The following ADAMTS20 variants were observed in gnomAD, a reference collection of about 807,000 sequenced individuals.
The protein encoded by ADAMTS20 is ADAM metallopeptidase with thrombospondin type 1 motif 20, also known as A disintegrin and metalloproteinase with thrombospondin motifs 20.
Under a neutral mutation model 260.1 loss-of-function variants are expected in ADAMTS20, and 225 were observed. That is an observed-to-expected ratio of 0.87 (90% CI 0.78 to 0.97). ADAMTS20 has a LOEUF of 0.97. Among genes scored for constraint, ADAMTS20 ranks in the 50% least tolerant of loss-of-function variants. The pLI is 0.00. For missense variants in ADAMTS20, 2,400 were observed against 2,337.7 expected (o/e 1.03, Z -0.55); for synonymous variants, 802 against 769.5 (o/e 1.04, Z -0.70).
intron 7 of ADAMTS20, among the ~76,000 whole-genome samples, chr12:43,469,004 G>C (rs1367570137): frequency 6.6e-6 from 1 of 152,032 alleles, no homozygotes; most frequent in Non-Finnish European, 1.5e-5. Flanking sequence ...ATATTTGCAG[G>C]AAGTATGAAG....
At chr12:43,527,702 C>G (rs982685280) in intron 3 of ADAMTS20, among the ~76,000 whole-genome samples, 1 of 152,004 alleles carries the variant, frequency 6.6e-6, no homozygotes. Flanking sequence ...ATAATAAAAG[C>G]CATATTTAAC....
intron 28 of ADAMTS20, among the ~76,000 whole-genome samples, chr12:43,409,704 G>A (rs1940997157): frequency 6.7e-6 from 1 of 148,702 alleles, no homozygotes; most frequent in Non-Finnish European, 1.5e-5. Context: ...TGGTTGCATA[G>A]CAATTATCAA....
intron 7 of ADAMTS20, among the ~76,000 whole-genome samples, chr12:43,483,924 A>T (rs1325598598): frequency 6.6e-6 from 1 of 152,174 alleles, no homozygotes; most frequent in East Asian, 1.9e-4. Context: ...TAAAGTGCAC[A>T]CCATGGGGCA....
At chr12:43,409,763 C>T (rs1367319612) in intron 28 of ADAMTS20, among the ~76,000 whole-genome samples, 2 of 151,862 alleles carry the variant, frequency 1.3e-5, no homozygotes, top group African/African-American at 4.8e-5. Context: ...AATGAAAGAG[C>T]CTACAGAAAG....
At chr12:43,499,829 A>G (rs968199447) in intron 4 of ADAMTS20, among the ~76,000 whole-genome samples, 2 of 151,986 alleles carry the variant, frequency 1.3e-5, no homozygotes. Context: ...TAAAATATAG[A>G]TAACAAAACC....
At chr12:43,439,516 G>A (rs570015882) in intron 18 of ADAMTS20, 106 bp downstream of exon 18, 31 of 1,319,840 alleles carry the variant, frequency 2.3e-5, no homozygotes, top group East Asian at 2.3e-5. Context: ...TGGGATATGT[G>A]TATGGACAGT....
intron 3 of ADAMTS20, among the ~76,000 whole-genome samples, chr12:43,502,870 C>A (rs957167633): frequency 1.3e-5 from 2 of 151,818 alleles, no homozygotes; most frequent in Admixed American, 6.6e-5. Context: ...ATACTACATG[C>A]GAAAAGCACC....
chr12:43,415,912 A>C (rs1489171187), intron 28 of ADAMTS20, among the ~76,000 whole-genome samples: 1 of 152,158 alleles, frequency 6.6e-6, no homozygotes, highest in Non-Finnish European at 1.5e-5. Context: ...GGCCCTTCAC[A>C]CTGCAATGTG....
intron 23 of ADAMTS20, 61 bp downstream of exon 23, chr12:43,430,291 A>G: frequency 6.6e-7 from 1 of 1,517,918 alleles, no homozygotes; most frequent in Non-Finnish European, 8.9e-7. Flanking sequence ...AATAATTTTA[A>G]CACATCAATA....
chr12:43,390,315 TTCAAACTAA>T (rs1404428893), intron 29 of ADAMTS20, among the ~76,000 whole-genome samples: 1 of 152,220 alleles, frequency 6.6e-6, no homozygotes, highest in African/African-American at 2.4e-5. Flanking sequence ...AAATTGCTGA[TTCAAACTAA>T]TCAAACTAAT....
intron 24 of ADAMTS20, 71 bp from the exon 25 acceptor site, chr12:43,428,870 G>T: frequency 7.5e-7 from 1 of 1,330,562 alleles, no homozygotes; most frequent in South Asian, 2.1e-5. Flanking sequence ...TTACATAGCT[G>T]TTACTCACAT....
intron 10 of ADAMTS20, 134 bp from the exon 11 acceptor site, chr12:43,463,133 ATT>A (rs1428320492): frequency 6.3e-6 from 3 of 478,546 alleles, no homozygotes; most frequent in Non-Finnish European, 7.1e-6. Flanking sequence ...TAATCAGCAA[ATT>A]TTTTTACTAA....
At chr12:43,500,633 A>G (rs1592099175) in intron 4 of ADAMTS20, among the ~76,000 whole-genome samples, 1 of 152,344 alleles carries the variant, frequency 6.6e-6, no homozygotes, top group East Asian at 1.9e-4. Flanking sequence ...AAATAAGGGT[A>G]AATTTTACAC....
chr12:43,437,317 TA>T (rs1245671031), intron 18 of ADAMTS20, among the ~76,000 whole-genome samples: 2 of 152,048 alleles, frequency 1.3e-5, no homozygotes, highest in Admixed American at 6.6e-5. Flanking sequence ...TTCCCAAAGA[TA>T]AAAGAGAAAA....
intron 37 of ADAMTS20, among the ~76,000 whole-genome samples, chr12:43,364,707 G>T (rs1307682932): frequency 2.0e-5 from 3 of 151,930 alleles, no homozygotes; most frequent in Non-Finnish European, 4.4e-5. Flanking sequence ...AATGAATAGG[G>T]CCTCAGAGGA....
chr12:43,487,837 G>A (rs999931860), intron 7 of ADAMTS20, among the ~76,000 whole-genome samples: 2 of 152,046 alleles, frequency 1.3e-5, no homozygotes, highest in Admixed American at 6.6e-5. Context: ...CTATAAAAAT[G>A]AAAATATTAT....
At chr12:43,498,169 GTTAATTC>G (rs1942703498) in intron 4 of ADAMTS20, among the ~76,000 whole-genome samples, 2 of 152,028 alleles carry the variant, frequency 1.3e-5, no homozygotes, top group Non-Finnish European at 2.9e-5. Flanking sequence ...TAATTTTAAT[GTTAATTC>G]CAGAAACCTT....
chr12:43,390,687 T>C (rs1482265105), intron 29 of ADAMTS20, among the ~76,000 whole-genome samples: 1 of 152,224 alleles, frequency 6.6e-6, no homozygotes, highest in Non-Finnish European at 1.5e-5. Flanking sequence ...CACTGTCCAA[T>C]AACAATTTCT....
rs552843104 is a variant in ADAMTS20, at chr12:43,416,462, C to T, written c.4284+9052G>A. On this transcript the variant is annotated intron_variant, in intron 28 of 38. Transcript: ENST00000389420. The stretch of plus-strand genomic sequence containing the variant: ...ATTCATATTTCTAACTTTATGCCCA[C>T]CCCTTGTTCTCACAAACTAGTTTCA... Among the ~76,000 whole-genome samples, 6 of 152,140 alleles carry T rather than the reference C, an allele frequency of 3.9e-5. 1 individual carries two copies. Among genetic ancestry groups the T allele is most frequent in the East Asian group, 1.9e-4 (1 of 5,180 alleles).
Sources: allele counts gnomAD v4.1 joint callset (sites outside exome capture counted in the v4.1 genomes callset), GRCh38; gene constraint gnomAD v4.1.1; transcripts MANE v1.5; gene names NCBI Gene and HGNC (gene_info 2026-07-23, HGNC 2026-07-21).